The following LRBA variants were observed in gnomAD, a reference collection of about 807,000 sequenced individuals.
LRBA encodes the protein lipopolysaccharide-responsive and beige-like anchor protein.
A neutral mutation model predicts 330.0 loss-of-function variants in LRBA; 176 were observed. The ratio of observed to expected loss-of-function variants is 0.53; its 90% confidence interval spans 0.47 to 0.60. LRBA has a LOEUF of 0.60. Ranked by LOEUF, LRBA falls within the 20% of genes least tolerant of loss-of-function variation. The pLI is 0.00. For missense variants in LRBA, 3,259 were observed against 3,444.8 expected (o/e 0.95, Z 1.35); for synonymous variants, 1,230 against 1,193.0 (o/e 1.03, Z -0.64).
intron 33 of LRBA, among the ~76,000 whole-genome samples, chr4:150,799,798 G>A (rs1040545921): frequency 2.0e-5 from 3 of 152,146 alleles, no homozygotes; most frequent in South Asian, 2.1e-4. Flanking sequence ...AGGCTGGAGT[G>A]CAATGGCACG....
At chr4:150,397,256 C>A (rs1324846773) in intron 47 of LRBA, among the ~76,000 whole-genome samples, 3 of 152,026 alleles carry the variant, frequency 2.0e-5, no homozygotes, top group Non-Finnish European at 4.4e-5. Context: ...TATTTTCATA[C>A]AATGTACGAT....
chr4:150,306,056 A>C (rs1730314463), intron 52 of LRBA, among the ~76,000 whole-genome samples: 2 of 152,178 alleles, frequency 1.3e-5, no homozygotes, highest in Admixed American at 1.3e-4. Context: ...TTTCTAGTTA[A>C]TGTTTTATTT....
rs376390010 is a variant in LRBA at position 150,583,347 on chromosome 4, G to A, written c.6330+4701C>T. 1.2e-4 allele frequency: 186 copies of A among 1,614,112 alleles called. No homozygotes were observed. Among genetic ancestry groups the A allele is most frequent in the Non-Finnish European group, 1.5e-4 (178 of 1,180,058 alleles). The stretch of plus-strand genomic sequence containing the variant: ...CAGTGCTCAAACTGAGCGATGGGCG[G>A]AAGCGGAGCATGTCTCTCTGGGTCG... On this transcript the variant is annotated intron_variant, in intron 40 of 56. Coordinates refer to ENST00000651943, the MANE Select transcript of LRBA (RefSeq NM_001364905.1). This position sits in a 1 kb window ranked among gnomAD's most constrained non-coding sequence, Gnocchi z 9.8.
chr4:150,335,493 A>G (rs201999574), intron 48 of LRBA, among the ~76,000 whole-genome samples: 2 of 134,354 alleles, frequency 1.5e-5, no homozygotes, highest in African/African-American at 6.5e-5. Context: ...ATGTGTGTGT[A>G]TATATATATA....
At chr4:150,663,416 T>C (rs1781298608) in intron 37 of LRBA, among the ~76,000 whole-genome samples, 1 of 152,092 alleles carries the variant, frequency 6.6e-6, no homozygotes. Context: ...TCCATTACTG[T>C]CTACCAAAAT....
At chr4:150,691,757 C>T (rs374581238) in intron 36 of LRBA, among the ~76,000 whole-genome samples, 1 of 152,050 alleles carries the variant, frequency 6.6e-6, no homozygotes, top group African/African-American at 2.4e-5. Context: ...TGAAAATGCC[C>T]ATGGTGCATT....
chr4:150,520,390 A>T (rs969698843), intron 40 of LRBA, among the ~76,000 whole-genome samples: 2 of 151,356 alleles, frequency 1.3e-5, no homozygotes, highest in African/African-American at 2.4e-5. Flanking sequence ...TTTAGGTTTT[A>T]TTTTTTTTTC....
chr4:150,367,307 G>A (rs1249100223), intron 47 of LRBA, among the ~76,000 whole-genome samples: 1 of 152,148 alleles, frequency 6.6e-6, no homozygotes, highest in Non-Finnish European at 1.5e-5. Context: ...ATAAGGTGGA[G>A]GTAAGGAAAG....
At chr4:150,276,556 T>C (rs904363066) in intron 56 of LRBA, among the ~76,000 whole-genome samples, 1 of 152,142 alleles carries the variant, frequency 6.6e-6, no homozygotes, top group Non-Finnish European at 1.5e-5. Flanking sequence ...ATCCAGAATC[T>C]ACAAAGAACT....
intron 48 of LRBA, among the ~76,000 whole-genome samples, chr4:150,340,342 T>A (rs1735354795): frequency 6.6e-6 from 1 of 152,202 alleles, no homozygotes; most frequent in African/African-American, 2.4e-5. Flanking sequence ...TTGATACAGA[T>A]TGCTATAAAG....
intron 40 of LRBA, among the ~76,000 whole-genome samples, chr4:150,532,467 A>C (rs1581599354): frequency 6.6e-6 from 1 of 152,158 alleles, no homozygotes; most frequent in African/African-American, 2.4e-5. Flanking sequence ...TTAGGGTATA[A>C]TAATACAAGA....
chr4:150,283,632 T>A (rs899295891), intron 54 of LRBA, among the ~76,000 whole-genome samples: 2 of 152,212 alleles, frequency 1.3e-5, no homozygotes, highest in Non-Finnish European at 2.9e-5. Flanking sequence ...AGTTGATAAA[T>A]TTTTTAAATA....
chr4:150,735,855 A>C (rs537955217), intron 35 of LRBA, among the ~76,000 whole-genome samples: 1 of 152,316 alleles, frequency 6.6e-6, no homozygotes, highest in Admixed American at 6.5e-5. Context: ...CCGGTAGACT[A>C]CCCAAGAGTT....
intron 36 of LRBA, among the ~76,000 whole-genome samples, chr4:150,687,248 T>G (rs1353129062): frequency 6.6e-6 from 1 of 152,110 alleles, no homozygotes; most frequent in Non-Finnish European, 1.5e-5. Context: ...TTCAAAGTCA[T>G]GTGGAGATAA....
chr4:150,443,033 A>G (rs1474808771), intron 44 of LRBA, among the ~76,000 whole-genome samples: 2 of 152,204 alleles, frequency 1.3e-5, no homozygotes, highest in Admixed American at 1.3e-4. Flanking sequence ...TCATCTCATT[A>G]TCTTTACAAC....
rs774300952 is a variant in LRBA at position 150,436,816 on chromosome 4, A to G, written c.6829T>C (p.Tyr2277His). 6.2e-7 allele frequency: 1 copy of G among 1,613,742 alleles called. No individual in the cohort carries two copies. Among genetic ancestry groups the G allele is most frequent in the East Asian group, 2.2e-5 (1 of 44,852 alleles). Reference sequence around the variant, plus strand: ...ACTTGATCATCTTCCCATGATTCATAACGCTCAGCGAAGAATGCTGCTCTT... The same window carrying G: ...ACTTGATCATCTTCCCATGATTCATGACGCTCAGCGAAGAATGCTGCTCTT... ...PKRAAFFAER[Y>H]ESWEDDQVPK... The change falls in exon 45 of 57, where the codon TAT becomes CAT. Residue 2277 changes from tyrosine (Y) to histidine (H), a missense_variant. Tyr to His is a moderately conservative substitution (Grantham distance 83, BLOSUM62 2). Coordinates refer to ENST00000651943, the MANE Select transcript of LRBA (RefSeq NM_001364905.1).
intron 40 of LRBA, among the ~76,000 whole-genome samples, chr4:150,561,820 T>G (rs1408342027): frequency 6.6e-6 from 1 of 152,170 alleles, no homozygotes; most frequent in Admixed American, 6.6e-5. Flanking sequence ...ATAAATATAA[T>G]TTGATCTTAA....
At chr4:150,584,240 A>C (rs935567752) in intron 40 of LRBA, 2 of 1,032,646 alleles carry the variant, frequency 1.9e-6, no homozygotes, top group Non-Finnish European at 2.6e-6. Context: ...CCGGCAGAAG[A>C]CCTTCATTAA....
chr4:150,867,494 G>C (rs182539968), intron 22 of LRBA, among the ~76,000 whole-genome samples, 177 bp downstream of exon 22: 1 of 152,200 alleles, frequency 6.6e-6, no homozygotes, highest in Admixed American at 6.5e-5. Context: ...TGATTCTAAA[G>C]AAATTACAAA....
Sources: allele counts gnomAD v4.1 joint callset (sites outside exome capture counted in the v4.1 genomes callset), GRCh38; gene constraint gnomAD v4.1.1; non-coding constraint Gnocchi (gnomAD v3.1); transcripts MANE v1.5; gene names NCBI Gene and HGNC (gene_info 2026-07-23, HGNC 2026-07-21).